The following TRPM7 variants were observed in gnomAD, a reference collection of about 807,000 sequenced individuals.
The protein encoded by TRPM7 is LTRPC ion channel family member 7.
Under a neutral mutation model 229.7 loss-of-function variants are expected in TRPM7, and 134 were observed. That is an observed-to-expected ratio of 0.58 (90% CI 0.51 to 0.67). TRPM7 has a LOEUF of 0.67. TRPM7 is among the 30% of genes least tolerant of loss of function. The pLI is 0.00. For missense variants in TRPM7, 1,901 were observed against 2,210.0 expected, an observed-to-expected ratio of 0.86 and a Z score of 2.80; for synonymous variants, 699 against 715.2, an observed-to-expected ratio of 0.98 and a Z score of 0.36.
At chr15:50,581,095 A>G (rs927310271) in intron 29 of TRPM7, among the ~76,000 whole-genome samples, 187 bp from the exon 30 acceptor site, 1 of 152,240 alleles carries the variant, frequency 6.6e-6, no homozygotes, top group African/African-American at 2.4e-5. Flanking sequence ...TGTAACTACC[A>G]TAAGACTATT....
chr15:50,575,625 G>C, intron 33 of TRPM7, 99 bp downstream of exon 33: 1 of 998,886 alleles, frequency 1.0e-6, no homozygotes, highest in Non-Finnish European at 1.5e-6. Flanking sequence ...ATTTGAAATT[G>C]ATACTTCTTA....
chr15:50,627,929 G>C (rs543159852), intron 11 of TRPM7, among the ~76,000 whole-genome samples: 3 of 152,286 alleles, frequency 2.0e-5, no homozygotes, highest in African/African-American at 7.2e-5. Flanking sequence ...TCAGTTCTAA[G>C]ATTCTTAGAG....
At chr15:50,673,207 C>G (rs1179621451) in intron 1 of TRPM7, among the ~76,000 whole-genome samples, 1 of 152,122 alleles carries the variant, frequency 6.6e-6, no homozygotes, top group Non-Finnish European at 1.5e-5. Flanking sequence ...GAACAACTTC[C>G]AGGTCCACAA....
chr15:50,672,575 A>G (rs55916605), intron 1 of TRPM7, among the ~76,000 whole-genome samples: 27,363 of 151,912 alleles, frequency 0.18, 3,227 homozygotes, highest in East Asian at 0.46. Context: ...CTTAGGTTTG[A>G]ACAAAAAGTT....
rs369826112 is a variant in TRPM7 at position 50,589,663 on chromosome 15, T to C, written c.4325-7A>G. 3.2e-6 allele frequency: 5 copies of C among 1,573,472 alleles called. No individual in the cohort carries two copies. Among genetic ancestry groups the C allele is most frequent in the South Asian group, 1.2e-5 (1 of 85,530 alleles). On this transcript the variant is annotated splice_region_variant and splice_polypyrimidine_tract_variant and intron_variant, in intron 26 of 38. Coordinates refer to ENST00000646667, the MANE Select transcript of TRPM7 (RefSeq NM_017672.6). ...TCCATGCTATCTCTGTGTCCTTTAA[T>C]AGAAAAAAAGATGTTGCAATGAGAA...
At chr15:50,623,237 C>A (rs950585185) in intron 12 of TRPM7, among the ~76,000 whole-genome samples, 2 of 151,902 alleles carry the variant, frequency 1.3e-5, no homozygotes, top group South Asian at 2.1e-4. Context: ...CATGGTGAAA[C>A]CCCGACTCTA....
chr15:50,638,438 A>G (rs1179415369), intron 6 of TRPM7, among the ~76,000 whole-genome samples: 1 of 147,180 alleles, frequency 6.8e-6, no homozygotes, highest in Non-Finnish European at 1.5e-5. Context: ...AATCCTAGCT[A>G]TTCAGGAGGC....
chr15:50,590,422 T>C (rs370945807), intron 26 of TRPM7, among the ~76,000 whole-genome samples: 40 of 152,264 alleles, frequency 2.6e-4, no homozygotes, highest in African/African-American at 7.5e-4. Context: ...GTTCCACACA[T>C]AGAGATTGTT....
chr15:50,642,117 G>A (rs764599941), intron 5 of TRPM7, among the ~76,000 whole-genome samples: 77 of 152,260 alleles, frequency 5.1e-4, no homozygotes, highest in Non-Finnish European at 1.0e-3. Flanking sequence ...ATATGTGATA[G>A]GGAAGATATA....
rs1220564528 is a variant in TRPM7 at position 50,560,116 on chromosome 15, C to T, written c.*1562G>A. 6.6e-6 allele frequency: 1 copy of T among 150,584 alleles called. No homozygotes were observed. Among genetic ancestry groups the T allele is most frequent in the African/African-American group, 2.4e-5 (1 of 40,932 alleles). The allele number at this position is 150,584 out of a possible 1,614,324, so 9.3% of individuals were successfully genotyped here. A position where few individuals can be genotyped will look rare whatever the true frequency, so the allele number is the denominator to read the frequency against. ...GACAGCCCATATTGCCCTTTTTTGGCCTAACAAAAAACAGATTTCTAAGAA... is the reference window on the plus strand; with the variant it reads ...GACAGCCCATATTGCCCTTTTTTGGTCTAACAAAAAACAGATTTCTAAGAA... On this transcript the variant is annotated 3_prime_UTR_variant, in exon 39 of 39. Coordinates refer to ENST00000646667, the MANE Select transcript of TRPM7 (RefSeq NM_017672.6).
intron 36 of TRPM7, among the ~76,000 whole-genome samples, chr15:50,572,009 T>C (rs887258241): frequency 6.6e-6 from 1 of 152,212 alleles, no homozygotes; most frequent in Non-Finnish European, 1.5e-5. Flanking sequence ...GTGGCAAACT[T>C]CACTGTGGCC....
rs200157170 is a variant in TRPM7, at chr15:50,628,169, C to G, written c.1285G>C (p.Val429Leu). 1 of 1,612,560 alleles carries G rather than the reference C, an allele frequency of 6.2e-7. No homozygotes were observed. Among genetic ancestry groups the G allele is most frequent in the Admixed American group, 1.7e-5 (1 of 59,988 alleles). The change falls in exon 11 of 39, where the codon GTT (valine) becomes CTT (leucine). Residue 429 changes from valine (V) to leucine (L), a missense_variant. By Grantham distance (32) the Val-to-Leu change is conservative (BLOSUM62 1). Around this residue, in one of 8 missense-constraint regions of TRPM7, gnomAD observed 794 missense variants for 881.9 expected, o/e 0.90. Coordinates refer to ENST00000646667, the MANE Select transcript of TRPM7 (RefSeq NM_017672.6). Reference sequence around the variant, plus strand: ...CATACCAGCCACTGCTGTCCATAAACAAATACATGATTTTTGGCAATGTCA... The same window carrying G: ...CATACCAGCCACTGCTGTCCATAAAGAAATACATGATTTTTGGCAATGTCA... ...RVDIAKNHVF[V>L]YGQQWLVGSL...
At position 50,575,006 on chromosome 15, in the gene TRPM7, C is replaced by G; in HGVS notation, c.4865G>C (p.Gly1622Ala). Residue 1622 changes from glycine (G) to alanine (A), a missense_variant, in exon 34 of 39, where the codon GGT becomes GCT. Physicochemically the swap from Gly to Ala is moderately conservative, Grantham distance 60 (BLOSUM62 0). Coordinates refer to ENST00000646667, the MANE Select transcript of TRPM7 (RefSeq NM_017672.6). ...CTGTACTTTGACAGCTCTTCGTAAA[C>G]CTCCTCCCATCTCCTCTTTGCTTAA... ...EFLSKEEMGG[G>A]LRRAVKVQCT... 1 of 1,614,122 alleles carries G rather than the reference C, an allele frequency of 6.2e-7. No homozygotes were observed. The highest frequency in any genetic ancestry group is 8.5e-7 in the Non-Finnish European group (1 of 1,180,010).
chr15:50,652,554 C>G (rs946464275), intron 3 of TRPM7, among the ~76,000 whole-genome samples: 1 of 150,666 alleles, frequency 6.6e-6, no homozygotes, highest in African/African-American at 2.4e-5. Context: ...CATTAATACA[C>G]CTTTCCACAA....
intron 13 of TRPM7, among the ~76,000 whole-genome samples, chr15:50,616,808 G>A (rs2060234134): frequency 6.6e-6 from 1 of 151,978 alleles, no homozygotes; most frequent in Non-Finnish European, 1.5e-5. Flanking sequence ...AGCCTCCTAA[G>A]TAGCTGGGAC....
chr15:50,567,603 T>C (rs1035702812), intron 38 of TRPM7, among the ~76,000 whole-genome samples: 30 of 151,398 alleles, frequency 2.0e-4, no homozygotes, highest in African/African-American at 7.3e-4. Context: ...TAACAATAAA[T>C]AAAAAAGATA....
intron 22 of TRPM7, among the ~76,000 whole-genome samples, chr15:50,597,392 AAGT>A (rs1163419287): frequency 1.3e-5 from 2 of 152,232 alleles, no homozygotes; most frequent in Non-Finnish European, 2.9e-5. Flanking sequence ...AATTTTTAAA[AAGT>A]ATATGCATCA....
At chr15:50,679,530 ATATATATAT>A (rs1202724818) in intron 1 of TRPM7, among the ~76,000 whole-genome samples, 1 of 44,852 alleles carries the variant, frequency 2.2e-5, no homozygotes, top group Non-Finnish European at 4.1e-5. Flanking sequence ...ATATATATAT[ATATATATAT>A]TTTTTTTTTT....
intron 19 of TRPM7, 61 bp from the exon 20 acceptor site, chr15:50,607,389 G>A: frequency 1.5e-6 from 2 of 1,373,572 alleles, no homozygotes; most frequent in East Asian, 2.4e-5. Context: ...TTTTAATTAT[G>A]AACATTTTCA....
Sources: allele counts gnomAD v4.1 joint callset (sites outside exome capture counted in the v4.1 genomes callset), GRCh38; gene constraint gnomAD v4.1.1; regional missense constraint gnomAD v4.1.1; transcripts MANE v1.5; gene names NCBI Gene and HGNC (gene_info 2026-07-23, HGNC 2026-07-21).